The following SCLT1 variants were observed in gnomAD, a reference collection of about 807,000 sequenced individuals.
The protein encoded by SCLT1 is sodium channel and clathrin linker 1, also known as sodium channel-associated protein 1.
A neutral mutation model predicts 112.8 loss-of-function variants in SCLT1; 78 were observed. The observed-to-expected ratio is 0.69, with a 90% CI of 0.58 to 0.83. SCLT1 has a LOEUF of 0.83. SCLT1 is among the 40% of genes least tolerant of loss of function. SCLT1 has a pLI of 0.00. For synonymous variants in SCLT1, 257 were observed against 254.7 expected, an observed-to-expected ratio of 1.01 and a Z score of -0.09; for missense variants, 747 against 770.4, an observed-to-expected ratio of 0.97 and a Z score of 0.36.
At position 128,959,656 on chromosome 4, in the gene SCLT1, C is replaced by A. The variant is rs1739512254; in HGVS notation, c.991G>T (p.Val331Leu). ...ELENERYEAIVRARNSMQLLE... is the reference protein window; with the variant it reads ...ELENERYEAILRARNSMQLLE... ...AGTTGCATGCTATTTCTGGCTCTTA[C>A]AATAGCCTCATATCTCTCATTTTCT... Residue 331 changes from valine (V) to leucine (L), a missense_variant, in exon 12 of 21, where the codon GTA (valine) becomes TTA (leucine). Around this residue, in one of 2 missense-constraint regions of SCLT1, gnomAD observed 723 missense variants for 721.3 expected, o/e 1.00. Transcript: ENST00000281142. 1.2e-6 allele frequency: 2 copies of A among 1,613,356 alleles called. No homozygotes were observed. Among genetic ancestry groups the A allele is most frequent in the Non-Finnish European group, 1.7e-6 (2 of 1,179,542 alleles).
At chr4:128,952,319 T>A (rs1339608668) in intron 14 of SCLT1, 1 of 456,848 alleles carries the variant, frequency 2.2e-6, no homozygotes, top group Non-Finnish European at 4.4e-6. Context: ...AATCTTCAAG[T>A]TAAACTTCTA....
downstream of SCLT1, among the ~76,000 whole-genome samples, chr4:128,882,526 T>C (rs1732664776): frequency 6.6e-6 from 1 of 152,196 alleles, no homozygotes; most frequent in Non-Finnish European, 1.5e-5. Flanking sequence ...AATAAAGACA[T>C]TCCTTAAGGT....
intron 9 of SCLT1, among the ~76,000 whole-genome samples, chr4:128,986,822 G>A (rs1638833413): frequency 6.6e-6 from 1 of 152,170 alleles, no homozygotes; most frequent in Admixed American, 6.5e-5. Flanking sequence ...GTGGCTGCAG[G>A]CCTTGGGTTA....
At chr4:129,054,044 T>C (rs1306387104) in intron 2 of SCLT1, among the ~76,000 whole-genome samples, 1 of 152,176 alleles carries the variant, frequency 6.6e-6, no homozygotes, top group Non-Finnish European at 1.5e-5. Context: ...AAATTCTGGG[T>C]TGAAAATTCT....
rs552395962 is a variant in SCLT1 at position 129,028,305 on chromosome 4, C to G, written c.290+10736G>C. The stretch of plus-strand genomic sequence containing the variant: ...TGCAAGGCTACAGTAACCAAAACAG[C>G]ATGGTACTGGTACCAAAACAGAGAT... On this transcript the variant is annotated intron_variant, in intron 5 of 20. Transcript: ENST00000281142. 7.8e-4 allele frequency among the ~76,000 whole-genome samples: 118 copies of G among 151,204 alleles called. 1 individual carries two copies. The Middle Eastern group carries it at 0.031, about 39-fold the overall frequency.
At chr4:129,004,333 C>T (rs1743803582) in intron 5 of SCLT1, among the ~76,000 whole-genome samples, 1 of 151,986 alleles carries the variant, frequency 6.6e-6, no homozygotes, top group African/African-American at 2.4e-5. Context: ...CTTACTAATT[C>T]CAGTTAACAA....
chr4:128,959,574 C>G (rs1739506010), intron 12 of SCLT1, 26 bp downstream of exon 12: 1 of 1,562,924 alleles, frequency 6.4e-7, no homozygotes, highest in Non-Finnish European at 8.8e-7. Flanking sequence ...TTTATTATAT[C>G]TAAACATATT....
chr4:129,047,885 T>C (rs371417338), intron 2 of SCLT1, among the ~76,000 whole-genome samples: 13 of 152,284 alleles, frequency 8.5e-5, no homozygotes, highest in African/African-American at 2.6e-4. Flanking sequence ...TGGACATTCA[T>C]CTCTTGTCAG....
At chr4:129,029,846 G>C (rs1216611289) in intron 5 of SCLT1, among the ~76,000 whole-genome samples, 1 of 151,948 alleles carries the variant, frequency 6.6e-6, no homozygotes, top group African/African-American at 2.4e-5. Context: ...AGAGACTTAG[G>C]CTCCCATACA....
intron 2 of SCLT1, among the ~76,000 whole-genome samples, chr4:129,053,259 C>T (rs1020502405): frequency 3.3e-5 from 5 of 152,090 alleles, no homozygotes; most frequent in Non-Finnish European, 1.5e-5. Flanking sequence ...TGGTCCAGAG[C>T]TGAGTTTCAA....
chr4:128,888,581 G>T, intron 20 of SCLT1, 98 bp downstream of exon 20: 1 of 626,428 alleles, frequency 1.6e-6, no homozygotes. Flanking sequence ...TTTAAAATAT[G>T]TTAATCTAGT....
chr4:128,889,719 CT>C, intron 19 of SCLT1, among the ~76,000 whole-genome samples: 1 of 152,192 alleles, frequency 6.6e-6, no homozygotes. Flanking sequence ...TCTCTCCACA[CT>C]TACTAGCCTG....
intron 9 of SCLT1, among the ~76,000 whole-genome samples, chr4:128,986,015 C>T (rs1055885646): frequency 6.6e-6 from 1 of 152,106 alleles, no homozygotes; most frequent in Non-Finnish European, 1.5e-5. Context: ...TTCATAAGAA[C>T]CAAAAAATCA....
intron 18 of SCLT1, among the ~76,000 whole-genome samples, chr4:128,895,785 A>G (rs568674970): frequency 3.3e-5 from 5 of 152,300 alleles, no homozygotes; most frequent in Middle Eastern, 3.4e-3. Context: ...TCCCTTTCCT[A>G]GTCAAAGAAA....
chr4:129,038,374 C>T (rs1406388063), intron 5 of SCLT1, among the ~76,000 whole-genome samples: 1 of 152,088 alleles, frequency 6.6e-6, no homozygotes, highest in Non-Finnish European at 1.5e-5. Context: ...AATCCAGCAA[C>T]TTCCTTCCTT....
chr4:128,915,202 A>G (rs532582122), intron 18 of SCLT1, among the ~76,000 whole-genome samples: 8 of 152,346 alleles, frequency 5.3e-5, no homozygotes, highest in Admixed American at 5.2e-4. Flanking sequence ...TACTCTGCCA[A>G]TAATTTCTAG....
chr4:129,002,738 C>T (rs1023211869), intron 6 of SCLT1, among the ~76,000 whole-genome samples: 1 of 152,076 alleles, frequency 6.6e-6, no homozygotes, highest in Non-Finnish European at 1.5e-5. Flanking sequence ...AATAGAATAC[C>T]ATCTCATGCC....
intron 18 of SCLT1, among the ~76,000 whole-genome samples, chr4:128,910,484 T>A (rs1039969836): frequency 6.6e-6 from 1 of 152,242 alleles, no homozygotes; most frequent in Non-Finnish European, 1.5e-5. Context: ...ACTTGATGAA[T>A]TTTGCACATT....
chr4:128,934,546 T>C (rs958646697), intron 18 of SCLT1, among the ~76,000 whole-genome samples: 1 of 151,876 alleles, frequency 6.6e-6, no homozygotes. Flanking sequence ...ATATTATATA[T>C]AGTTTTCAAA....
Sources: gnomAD v4.1 joint callset for allele counts (sites outside exome capture counted in the v4.1 genomes callset) on GRCh38, gnomAD v4.1.1 for gene constraint, gnomAD v4.1.1 regional missense constraint, MANE v1.5 for transcripts, NCBI Gene and HGNC (gene_info 2026-07-23, HGNC 2026-07-21) for gene names.